The following SCRG1 variants were observed in gnomAD, a reference collection of about 807,000 sequenced individuals.
The protein encoded by SCRG1 is scrapie-responsive protein 1.
A neutral mutation model predicts 7.7 loss-of-function variants in SCRG1; 3 were observed. The ratio of observed to expected loss-of-function variants is 0.39; its 90% CI spans 0.18 to 1.01. SCRG1 has a LOEUF of 1.01. Among genes scored for constraint, SCRG1 ranks in the 50% least tolerant of loss-of-function variants. SCRG1 has a pLI of 0.36. For missense variants in SCRG1, 110 were observed against 117.2 expected, an observed-to-expected ratio of 0.94 and a Z score of 0.28; for synonymous variants, 46 against 41.2, an observed-to-expected ratio of 1.12 and a Z score of -0.44.
chr4:173,501,856 C>T, the SCRG1 span, among the ~76,000 whole-genome samples: 1 of 152,268 alleles, frequency 6.6e-6, no homozygotes, highest in East Asian at 1.9e-4. This position sits in a 1 kb window ranked among gnomAD's most constrained non-coding sequence, Gnocchi z 5.1. Context: ...TCTTTGCATC[C>T]AATTATTCTT....
chr4:173,483,737 ATGATATATTATATGTGATATATC>A, the SCRG1 span, among the ~76,000 whole-genome samples: 16 of 39,836 alleles, frequency 4.0e-4, 5 homozygotes, highest in East Asian at 2.1e-3. Flanking sequence ...TATCATATAT[ATGATATATTATATGTGATATATC>A]ATATATATGA....
the SCRG1 span, among the ~76,000 whole-genome samples, chr4:173,460,160 A>G: frequency 2.6e-5 from 4 of 152,224 alleles, no homozygotes; most frequent in Non-Finnish European, 4.4e-5. Context: ...CCTGGTTTTA[A>G]CTTCATATCA....
intron 1 of SCRG1, 81 bp from the exon 2 acceptor site, chr4:173,391,509 C>T (rs755158856): frequency 4.1e-5 from 57 of 1,378,056 alleles, no homozygotes; most frequent in Non-Finnish European, 5.2e-5. Flanking sequence ...CTGTAGCATG[C>T]TTATAAACCC....
the SCRG1 span, among the ~76,000 whole-genome samples, chr4:173,508,950 G>T: frequency 6.6e-6 from 1 of 152,208 alleles, no homozygotes; most frequent in Non-Finnish European, 1.5e-5. The surrounding 1 kb of genome is among the most constrained non-coding windows in gnomAD (Gnocchi z 4.4). Context: ...GCCGGGTGCC[G>T]AGGCGAGATA....
intron 1 of SCRG1, among the ~76,000 whole-genome samples, chr4:173,392,170 C>T (rs568100004): frequency 6.6e-6 from 1 of 152,216 alleles, no homozygotes; most frequent in East Asian, 1.9e-4. Context: ...AAACAAAAAA[C>T]CCATTTATGT....
At chr4:173,418,928 T>C in the SCRG1 span, among the ~76,000 whole-genome samples, 18 of 152,214 alleles carry the variant, frequency 1.2e-4, no homozygotes, top group African/African-American at 4.3e-4. Flanking sequence ...GCTTCCTGTA[T>C]AGCCTGCAGA....
chr4:173,476,927 A>G, the SCRG1 span, among the ~76,000 whole-genome samples: 28 of 152,220 alleles, frequency 1.8e-4, no homozygotes, highest in Admixed American at 7.2e-4. Flanking sequence ...TTCCATGGTA[A>G]TTTTTTCACA....
chr4:173,450,433 C>A, the SCRG1 span, among the ~76,000 whole-genome samples: 1 of 152,194 alleles, frequency 6.6e-6, no homozygotes, highest in Non-Finnish European at 1.5e-5. Context: ...TCCTGAGCCA[C>A]TGCAAATATC....
At chr4:173,442,735 A>T in the SCRG1 span, among the ~76,000 whole-genome samples, 1 of 152,194 alleles carries the variant, frequency 6.6e-6, no homozygotes, top group East Asian at 1.9e-4. Context: ...TTGCTGTGTC[A>T]TATCATCGTG....
At chr4:173,472,846 G>A in the SCRG1 span, among the ~76,000 whole-genome samples, 89,746 of 151,930 alleles carry the variant, frequency 0.59, 29,026 homozygotes, top group Non-Finnish European at 0.73. Context: ...CACCCTGTGG[G>A]GCAGTCAAGT....
the SCRG1 span, among the ~76,000 whole-genome samples, chr4:173,509,028 C>A: frequency 2.0e-5 from 3 of 152,158 alleles, no homozygotes. The surrounding 1 kb of genome is among the most constrained non-coding windows in gnomAD (Gnocchi z 5.7). Flanking sequence ...GGTGGTGGTA[C>A]GGCTGGTAGC....
chr4:173,403,933 C>A (rs932911044), upstream of SCRG1: 2 of 152,576 alleles, frequency 1.3e-5, no homozygotes, highest in Admixed American at 6.6e-5. Flanking sequence ...AAAGCTGTTT[C>A]ACAGACACAA....
At chr4:173,470,404 A>C in the SCRG1 span, among the ~76,000 whole-genome samples, 2 of 152,176 alleles carry the variant, frequency 1.3e-5, no homozygotes, top group African/African-American at 2.4e-5. Context: ...ACCGGCTCAC[A>C]GGTAACTGAG....
chr4:173,478,025 CT>C, the SCRG1 span, among the ~76,000 whole-genome samples: 1 of 152,136 alleles, frequency 6.6e-6, no homozygotes, highest in African/African-American at 2.4e-5. Context: ...CCACCTTGGC[CT>C]CTCAAAGAGC....
At chr4:173,392,280 A>C (rs1739471853) in intron 1 of SCRG1, among the ~76,000 whole-genome samples, 1 of 152,190 alleles carries the variant, frequency 6.6e-6, no homozygotes, top group Admixed American at 6.6e-5. Flanking sequence ...AATTTTTAGC[A>C]ATGCTTGGAT....
the SCRG1 span, among the ~76,000 whole-genome samples, chr4:173,479,435 G>GTTTTTTTTTTTTTTTTT: frequency 5.8e-4 from 73 of 125,912 alleles, 3 homozygotes; most frequent in Middle Eastern, 4.3e-3. Flanking sequence ...TTGTTTGTTT[G>GTTTTTTTTTTTTTTTTT]TTTTTTTGTT....
chr4:173,472,993 G>C, the SCRG1 span, among the ~76,000 whole-genome samples: 1 of 152,158 alleles, frequency 6.6e-6, no homozygotes, highest in African/African-American at 2.4e-5. Flanking sequence ...TTTGGCCATA[G>C]AACATTTAAA....
the SCRG1 span, among the ~76,000 whole-genome samples, chr4:173,502,775 C>T: frequency 1.3e-5 from 2 of 152,292 alleles, no homozygotes; most frequent in East Asian, 1.9e-4. The surrounding 1 kb of genome is among the most constrained non-coding windows in gnomAD (Gnocchi z 4.6). Flanking sequence ...CTGATCCTCC[C>T]CACAAGGTCC....
At chr4:173,401,898 G>T (rs553205023), upstream of SCRG1, among the ~76,000 whole-genome samples, 1 of 152,322 alleles carries the variant, frequency 6.6e-6, no homozygotes, top group East Asian at 1.9e-4. Context: ...ATTACATGGG[G>T]ATGTCCTTTT....
Sources: allele counts gnomAD v4.1 joint callset (sites outside exome capture counted in the v4.1 genomes callset), GRCh38; gene constraint gnomAD v4.1.1; non-coding constraint Gnocchi (gnomAD v3.1); transcripts MANE v1.5; gene names NCBI Gene and HGNC (gene_info 2026-07-23, HGNC 2026-07-21).